The following ATP6V1H variants were observed in gnomAD, a reference collection of about 807,000 sequenced individuals.
ATP6V1H encodes the protein ATPase H+ transporting V1 subunit H.
ATP6V1H carries 39 observed loss-of-function variants against 71.7 expected under a neutral mutation model. That is an observed-to-expected ratio of 0.54 (90% CI 0.42 to 0.71). ATP6V1H has a LOEUF of 0.71. Among genes scored for constraint, ATP6V1H ranks in the 30% least tolerant of loss-of-function variants. The pLI is 0.00. For missense variants in ATP6V1H, 509 were observed against 594.9 expected (o/e 0.86, Z 1.50); for synonymous variants, 192 against 199.3 (o/e 0.96, Z 0.31).
chr8:53,748,015 G>C (rs527261127), intron 12 of ATP6V1H, among the ~76,000 whole-genome samples: 7 of 152,016 alleles, frequency 4.6e-5, no homozygotes, highest in Non-Finnish European at 1.0e-4. Flanking sequence ...AAAATTAGCT[G>C]GGTGTGGTGG....
chr8:53,773,929 A>C (rs1000794491), intron 9 of ATP6V1H, among the ~76,000 whole-genome samples: 25 of 152,198 alleles, frequency 1.6e-4, no homozygotes, highest in African/African-American at 6.0e-4. Flanking sequence ...AAAACAGAAA[A>C]AGAGTAAGTG....
chr8:53,716,064 A>G, intron 13 of ATP6V1H, 40 bp from the exon 14 acceptor site: 1 of 1,527,040 alleles, frequency 6.5e-7, no homozygotes, highest in Non-Finnish European at 9.0e-7. Context: ...GAGAATTTCA[A>G]TAGCAAAGAA....
intron 7 of ATP6V1H, among the ~76,000 whole-genome samples, chr8:53,804,589 G>A (rs1037802235): frequency 4.6e-5 from 7 of 152,126 alleles, no homozygotes; most frequent in African/African-American, 1.2e-4. Context: ...CAGGAAAATC[G>A]CTTGAACCCA....
chr8:53,729,775 A>G (rs1432384758), intron 13 of ATP6V1H, among the ~76,000 whole-genome samples: 3 of 152,234 alleles, frequency 2.0e-5, no homozygotes, highest in Non-Finnish European at 2.9e-5. Flanking sequence ...GACAGGGCAG[A>G]AAGTCCAGCC....
intron 9 of ATP6V1H, among the ~76,000 whole-genome samples, chr8:53,795,049 A>C (rs1290177015): frequency 6.6e-6 from 1 of 152,208 alleles, no homozygotes; most frequent in Non-Finnish European, 1.5e-5. Flanking sequence ...CAATTGGCAC[A>C]GCAAATACAC....
chr8:53,718,952 A>G (rs1210085631), intron 13 of ATP6V1H, among the ~76,000 whole-genome samples: 2 of 152,192 alleles, frequency 1.3e-5, no homozygotes, highest in East Asian at 3.9e-4. Flanking sequence ...GCCCAGCAAG[A>G]GAAGAGCCCA....
At chr8:53,781,132 G>A (rs930214922) in intron 9 of ATP6V1H, among the ~76,000 whole-genome samples, 2 of 152,142 alleles carry the variant, frequency 1.3e-5, no homozygotes, top group African/African-American at 4.8e-5. Flanking sequence ...TTCCACAATG[G>A]TTGAACTAGT....
intron 11 of ATP6V1H, among the ~76,000 whole-genome samples, chr8:53,764,153 C>T (rs367544240): frequency 3.3e-5 from 5 of 152,046 alleles, no homozygotes; most frequent in Non-Finnish European, 7.4e-5. Context: ...AAAGAAGCAG[C>T]GGGAACACCT....
chr8:53,732,192 C>T (rs141806605), intron 13 of ATP6V1H, among the ~76,000 whole-genome samples: 2 of 152,270 alleles, frequency 1.3e-5, no homozygotes, highest in East Asian at 3.9e-4. Context: ...GTGAATTAGA[C>T]AAGTGAGTGA....
intron 13 of ATP6V1H, among the ~76,000 whole-genome samples, chr8:53,725,828 G>A (rs1406536256): frequency 6.6e-6 from 1 of 151,984 alleles, no homozygotes; most frequent in Non-Finnish European, 1.5e-5. Flanking sequence ...TGACTTGCTT[G>A]TATGTTCTCC....
chr8:53,755,556 T>C (rs1383085221), intron 12 of ATP6V1H, among the ~76,000 whole-genome samples: 2 of 149,312 alleles, frequency 1.3e-5, no homozygotes, highest in Non-Finnish European at 3.0e-5. Flanking sequence ...TAAGTAAATA[T>C]TTTATGCTTC....
At chr8:53,782,332 GCT>G (rs1221278773) in intron 9 of ATP6V1H, among the ~76,000 whole-genome samples, 1 of 150,008 alleles carries the variant, frequency 6.7e-6, no homozygotes, top group Non-Finnish European at 1.5e-5. Flanking sequence ...TCATGATTTG[GCT>G]CTCTGTTTGT....
At chr8:53,824,341 C>T (rs1312353600) in intron 4 of ATP6V1H, among the ~76,000 whole-genome samples, 1 of 152,016 alleles carries the variant, frequency 6.6e-6, no homozygotes, top group Non-Finnish European at 1.5e-5. Context: ...CAAAGCATAG[C>T]AAATAAAGAA....
intron 13 of ATP6V1H, 52 bp downstream of exon 13, chr8:53,743,525 A>G (rs755813683): frequency 3.1e-6 from 4 of 1,299,224 alleles, no homozygotes; most frequent in Non-Finnish European, 4.5e-6. Context: ...TAGAATGGCA[A>G]GTGAGAGTTT....
intron 12 of ATP6V1H, among the ~76,000 whole-genome samples, chr8:53,748,473 C>T (rs1807684062): frequency 6.6e-6 from 1 of 152,130 alleles, no homozygotes; most frequent in African/African-American, 2.4e-5. Flanking sequence ...AATGTTCACA[C>T]AGATGTTAAT....
intron 12 of ATP6V1H, among the ~76,000 whole-genome samples, chr8:53,755,715 TA>T (rs1808010751): frequency 5.8e-4 from 4 of 6,846 alleles, no homozygotes; most frequent in East Asian, 6.2e-3. Flanking sequence ...TATATATATA[TA>T]TATATATATA....
intron 8 of ATP6V1H, among the ~76,000 whole-genome samples, chr8:53,800,528 T>C (rs908671373): frequency 3.9e-5 from 6 of 152,294 alleles, no homozygotes; most frequent in African/African-American, 1.4e-4. Context: ...AGTCTCTAGA[T>C]AGCTATATCA....
Position 53,726,813 on chromosome 8 carries a change from C to T in ATP6V1H, c.1392-10789G>A, listed in dbSNP as rs73682554. ...GCTCCCTCCTGCTATCTGTGGCACACAAGATCATGGAGAAAGACCAGGGAA... is the reference window on the plus strand; with the variant it reads ...GCTCCCTCCTGCTATCTGTGGCACATAAGATCATGGAGAAAGACCAGGGAA... On this transcript the variant is annotated intron_variant, in intron 13 of 13. Transcript: ENST00000359530. Among the ~76,000 whole-genome samples, 427 of 152,256 alleles carry T rather than the reference C, an allele frequency of 2.8e-3. 2 individuals carry two copies. Among genetic ancestry groups the T allele is most frequent in the African/African-American group, 9.1e-3 (377 of 41,548 alleles).
chr8:53,777,594 T>C (rs1432460571), intron 9 of ATP6V1H, among the ~76,000 whole-genome samples: 1 of 152,178 alleles, frequency 6.6e-6, no homozygotes, highest in African/African-American at 2.4e-5. Context: ...AGACATACAC[T>C]GGAAGATATC....
Sources: gnomAD v4.1 joint callset for allele counts (sites outside exome capture counted in the v4.1 genomes callset) on GRCh38, gnomAD v4.1.1 for gene constraint, MANE v1.5 for transcripts, NCBI Gene and HGNC (gene_info 2026-07-23, HGNC 2026-07-21) for gene names.